The following RYR1 variants were observed in gnomAD, a reference collection of about 807,000 sequenced individuals.
RYR1 encodes central core disease of muscle.
A neutral mutation model predicts 583.5 loss-of-function variants in RYR1; 342 were observed. The observed-to-expected ratio is 0.59, with a 90% confidence interval of 0.54 to 0.64. The LOEUF is 0.64. Ranked by LOEUF, RYR1 falls within the 30% of genes least tolerant of loss-of-function variation. RYR1 has a pLI of 0.00. For missense variants in RYR1, 6,032 were observed against 6,917.2 expected (o/e 0.87, Z 4.54); for synonymous variants, 2,791 against 2,822.5 (o/e 0.99, Z 0.35).
At chr19:38,580,209 A>C in intron 100 of RYR1, 81 bp downstream of exon 100, 1 of 1,606,406 alleles carries the variant, frequency 6.2e-7, no homozygotes, top group Non-Finnish European at 8.5e-7. Flanking sequence ...AGGGCCGGGC[A>C]GCTGGGCTGA....
chr19:38,506,977 A>G, intron 57 of RYR1, 25 bp downstream of exon 57: 2 of 1,612,086 alleles, frequency 1.2e-6, no homozygotes, highest in Middle Eastern at 2.2e-4. Context: ...GCTCCCGCGG[A>G]AGAGCAGCAG....
At chr19:38,538,729 A>G (rs1972080388) in intron 84 of RYR1, 1 of 152,236 alleles carries the variant, frequency 6.6e-6, no homozygotes, top group Non-Finnish European at 1.5e-5. Context: ...ACAAAGGCCT[A>G]CAGATTCTTT....
At chr19:38,580,284 C>A in intron 100 of RYR1, 86 bp from the exon 101 acceptor site, 3 of 1,595,768 alleles carry the variant, frequency 1.9e-6, no homozygotes, top group South Asian at 2.2e-5. Context: ...GCCACAGGGA[C>A]TGAACCGGGG....
intron 83 of RYR1, among the ~76,000 whole-genome samples, chr19:38,537,423 A>G (rs1475314601): frequency 6.6e-6 from 1 of 152,048 alleles, no homozygotes; most frequent in African/African-American, 2.4e-5. Flanking sequence ...CTGGCTTTCA[A>G]TCCCCATCCC....
At position 38,566,953 on chromosome 19, in the gene RYR1, G is replaced by T. The variant is rs143849895; in HGVS notation, c.13480G>T (p.Glu4494Ter). 1.2e-6 allele frequency: 2 copies of T among 1,606,148 alleles called. No individual in the cohort carries two copies. The highest frequency in any genetic ancestry group is 8.5e-7 in the Non-Finnish European group (1 of 1,176,598). Residue 4494 changes from glutamate (E) to a stop codon, truncating the protein, a stop_gained, in exon 92 of 106, where the codon GAG becomes TAG. Coordinates refer to ENST00000359596, the MANE Select transcript of RYR1 (RefSeq NM_000540.3). LOFTEE classifies it high-confidence loss of function. ...GGAGCTCCCGCCAGAGCCAGAGCCC[G>T]AGCCGGAACCAGAGCTGGAGCCGGA... The part of the protein sequence containing the change: ...EEELPPEPEP[E>*]PEPELEPEKA...
chr19:38,496,522 G>A lies in RYR1; in HGVS notation c.6777G>A (p.Glu2259=). 6.2e-7 allele frequency: 1 copy of A among 1,613,510 alleles called. No homozygotes were observed. Residue 2259 remains glutamate (E), a synonymous_variant, in exon 41 of 106, where the codon GAG becomes GAA. Coordinates refer to ENST00000359596, the MANE Select transcript of RYR1 (RefSeq NM_000540.3). This position sits in a 1 kb window ranked among gnomAD's most constrained non-coding sequence, Gnocchi z 4.8. ...SMFDHLSYLL[E]NSGIGLGMQG... ...TTGACCACCTGAGCTACCTGCTGGA[G>A]AACAGTGGCATCGGCCTGGGTGAGA...
chr19:38,499,541 C>G lies in RYR1; in HGVS notation c.7028-94C>G, dbSNP rs1970002565. 1 of 1,413,060 alleles carries G rather than the reference C, an allele frequency of 7.1e-7. No individual in the cohort carries two copies. The highest frequency in any genetic ancestry group is 9.7e-7 in the Non-Finnish European group (1 of 1,027,150). 87.5% of individuals were successfully genotyped at this position (1,413,060 alleles called of 1,614,324 possible). A position where few individuals can be genotyped will look rare whatever the true frequency, so the allele number is the denominator to read the frequency against. ...GTTGGGTCCTGGAGCTGGATGGGAC[C>G]TGTGTTACCCCTGGAGGTGTTGGGT... On this transcript the variant is annotated intron_variant, in intron 43 of 105. Coordinates refer to ENST00000359596, the MANE Select transcript of RYR1 (RefSeq NM_000540.3). The surrounding 1 kb of genome is among the most constrained non-coding windows in gnomAD (Gnocchi z 7.3).
chr19:38,462,528 C>T (rs1341902432), intron 20 of RYR1, among the ~76,000 whole-genome samples: 1 of 152,162 alleles, frequency 6.6e-6, no homozygotes, highest in Non-Finnish European at 1.5e-5. Flanking sequence ...ATGTCCCGCC[C>T]AAGTCCAAAC....
intron 49 of RYR1, among the ~76,000 whole-genome samples, chr19:38,504,017 A>G (rs961537612): frequency 6.6e-6 from 1 of 152,214 alleles, no homozygotes; most frequent in Non-Finnish European, 1.5e-5. Flanking sequence ...TAAATTAAGA[A>G]TGCTAAATTT....
At chr19:38,456,218 G>A (rs1397125032) in intron 16 of RYR1, among the ~76,000 whole-genome samples, 2 of 143,982 alleles carry the variant, frequency 1.4e-5, no homozygotes, top group South Asian at 2.2e-4. Context: ...TTCATGATCC[G>A]TCCACCTCAG....
intron 27 of RYR1, among the ~76,000 whole-genome samples, chr19:38,470,244 C>T (rs1968351398): frequency 6.6e-6 from 1 of 151,674 alleles, no homozygotes; most frequent in Admixed American, 6.6e-5. Flanking sequence ...AGAGCAAGAC[C>T]CTATCTCAAA....
intron 89 of RYR1, among the ~76,000 whole-genome samples, chr19:38,559,208 G>C (rs12974674): frequency 0.24 from 36,347 of 150,372 alleles, 5,097 homozygotes; most frequent in African/African-American, 0.36. Context: ...TGTCCCAGGC[G>C]CCTGTGGAGA....
intron 67 of RYR1, among the ~76,000 whole-genome samples, chr19:38,521,491 G>C (rs1207115119): frequency 6.6e-6 from 1 of 151,614 alleles, no homozygotes; most frequent in Admixed American, 6.6e-5. Flanking sequence ...TTTGAGACCA[G>C]CCTGGGCAAC....
chr19:38,478,645 C>G (rs1343172176), intron 31 of RYR1, 45 bp downstream of exon 31: 1 of 1,596,464 alleles, frequency 6.3e-7, no homozygotes, highest in Non-Finnish European at 8.5e-7. Context: ...CATGTCCCAG[C>G]ATCCCAGGAC....
chr19:38,544,616 C>T (rs1178532011), intron 87 of RYR1, among the ~76,000 whole-genome samples: 14 of 152,164 alleles, frequency 9.2e-5, no homozygotes, highest in African/African-American at 2.2e-4. Flanking sequence ...TTTTAGGGGA[C>T]GCCTTTTTTT....
In RYR1 at chr19:38,457,558, A is replaced by G. The variant is rs1289928400; in HGVS notation, c.1853A>G (p.Asp618Gly). 1.9e-6 allele frequency: 3 copies of G among 1,613,874 alleles called. No homozygotes were observed. The highest frequency in any genetic ancestry group is 2.5e-6 in the Non-Finnish European group (3 of 1,180,006). Residue 618 changes from aspartate to glycine, a missense_variant, in exon 17 of 106, where the codon GAT becomes GGT. Transcript: ENST00000359596. The stretch of plus-strand genomic sequence containing the variant: ...GGTGTGGCTGTACGCTCCAACCAAG[A>G]TCTTATTACTGAGAACTTGCTGCCT... ...CNGVAVRSNQ[D>G]LITENLLPGR...
chr19:38,561,562 C>A lies in RYR1; in HGVS notation c.12624+108C>A. On this transcript the variant is annotated intron_variant, in intron 90 of 105. Transcript: ENST00000359596. This position sits in a 1 kb window ranked among gnomAD's most constrained non-coding sequence, Gnocchi z 4.8. ...CGGGGGCTGTGCGTGCCTCGCATAT[C>A]TGCCCTGCTCCGGCAAGCCCACGCC... 2 of 1,089,170 alleles carry A rather than the reference C, an allele frequency of 1.8e-6. No homozygotes were observed. Among genetic ancestry groups the A allele is most frequent in the Non-Finnish European group, 2.6e-6 (2 of 761,496 alleles). 67.5% of individuals were successfully genotyped at this position (1,089,170 alleles called of 1,614,324 possible). A position where few individuals can be genotyped will look rare whatever the true frequency, so the allele number is the denominator to read the frequency against.
intron 84 of RYR1, among the ~76,000 whole-genome samples, chr19:38,538,327 G>T (rs915427459): frequency 2.0e-5 from 3 of 152,188 alleles, no homozygotes; most frequent in Admixed American, 1.3e-4. Flanking sequence ...TTGAACCCAT[G>T]AGATGGAGGT....
Position 38,534,911 on chromosome 19 carries a change from G to A in RYR1, c.11359+92G>A, listed in dbSNP as rs948878183. 3.3e-5 allele frequency: 45 copies of A among 1,361,696 alleles called. No homozygotes were observed. The Middle Eastern group carries it at 7.2e-4, about 22-fold the overall frequency. 84.4% of individuals were successfully genotyped at this position (1,361,696 alleles called of 1,614,324 possible). Reference sequence around the variant, plus strand: ...CCCATTCCCTGTGGACCCATTTGCCGCCCCTCAATGCCTGTGGTTTGCACG... The same window carrying A: ...CCCATTCCCTGTGGACCCATTTGCCACCCCTCAATGCCTGTGGTTTGCACG... On this transcript the variant is annotated intron_variant, in intron 79 of 105. Transcript: ENST00000359596.
Sources: gnomAD v4.1 joint callset for allele counts (sites outside exome capture counted in the v4.1 genomes callset) on GRCh38, gnomAD v4.1.1 for gene constraint, Gnocchi (gnomAD v3.1) non-coding constraint, MANE v1.5 for transcripts, NCBI Gene and HGNC (gene_info 2026-07-23, HGNC 2026-07-21) for gene names.